The following OSBPL10 variants were observed in gnomAD, a reference collection of about 807,000 sequenced individuals.
The protein encoded by OSBPL10 is oxysterol binding protein like 10.
OSBPL10 carries 49 observed loss-of-function variants against 81.7 expected under a neutral mutation model. The observed-to-expected ratio is 0.60, with a 90% confidence interval of 0.48 to 0.76. The LOEUF (loss-of-function observed/expected upper bound fraction) is 0.76, where lower values mean the gene tolerates loss of function less well. OSBPL10 is among the 30% of genes least tolerant of loss of function. The pLI, the probability that OSBPL10 is intolerant of heterozygous loss-of-function variation, is 0.00. For missense variants in OSBPL10, 923 were observed against 987.8 expected, an observed-to-expected ratio of 0.93 and a Z score of 0.88; for synonymous variants, 419 against 383.6, an observed-to-expected ratio of 1.09 and a Z score of -1.08.
intron 2 of OSBPL10, among the ~76,000 whole-genome samples, chr3:32,008,626 T>G (rs1274087338): frequency 2.0e-5 from 3 of 151,142 alleles, no homozygotes; most frequent in Non-Finnish European, 4.4e-5. Flanking sequence ...GTCGCATGCC[T>G]GCAGTCCTGG....
At chr3:31,932,350 T>C (rs1235659636) in intron 1 of OSBPL10, among the ~76,000 whole-genome samples, 3 of 152,158 alleles carry the variant, frequency 2.0e-5, no homozygotes, top group African/African-American at 7.2e-5. Context: ...CTGCCTCAAA[T>C]TCAATGCCCT....
chr3:31,852,555 G>A (rs1471736088), intron 3 of OSBPL10, among the ~76,000 whole-genome samples: 2 of 147,580 alleles, frequency 1.4e-5, no homozygotes, highest in Admixed American at 6.8e-5. Context: ...TACTCCTGTG[G>A]CACGGAAGTT....
chr3:31,683,154 T>C (rs1162510758), intron 8 of OSBPL10, among the ~76,000 whole-genome samples: 1 of 152,254 alleles, frequency 6.6e-6, no homozygotes, highest in African/African-American at 2.4e-5. Context: ...GATTATACTA[T>C]GTTCTTGCTT....
intron 8 of OSBPL10, among the ~76,000 whole-genome samples, chr3:31,671,728 T>G (rs1700327662): frequency 6.6e-6 from 1 of 152,166 alleles, no homozygotes. Flanking sequence ...AAAGGCCTTA[T>G]TCCTCTCAAA....
At chr3:31,738,045 T>C (rs1055338802) in intron 5 of OSBPL10, among the ~76,000 whole-genome samples, 2 of 146,824 alleles carry the variant, frequency 1.4e-5, no homozygotes, top group African/African-American at 2.5e-5. Context: ...ACAACAGAGA[T>C]CCAAGAGATA....
At chr3:31,662,484 C>T (rs1410547122) in intron 11 of OSBPL10, 10 of 1,025,750 alleles carry the variant, frequency 9.7e-6, no homozygotes, top group Non-Finnish European at 1.2e-5. Context: ...GTGTGCATAC[C>T]AGTGACTTCC....
intron 2 of OSBPL10, among the ~76,000 whole-genome samples, chr3:32,011,193 G>A (rs1423116497): frequency 6.6e-6 from 1 of 152,234 alleles, no homozygotes; most frequent in Non-Finnish European, 1.5e-5. Context: ...GCACCCCCCA[G>A]TAGGGGCAGA....
At chr3:31,893,591 G>A (rs1695965345) in intron 1 of OSBPL10, among the ~76,000 whole-genome samples, 1 of 152,208 alleles carries the variant, frequency 6.6e-6, no homozygotes, top group South Asian at 2.1e-4. Context: ...GAATGTTAAA[G>A]CAGTATTATT....
At chr3:32,043,484 G>A (rs1237596468) in intron 2 of OSBPL10, among the ~76,000 whole-genome samples, 1 of 152,174 alleles carries the variant, frequency 6.6e-6, no homozygotes, top group African/African-American at 2.4e-5. Flanking sequence ...AGCTTACGAA[G>A]ATAACAGGAT....
chr3:31,693,336 T>C (rs544053140), intron 7 of OSBPL10, among the ~76,000 whole-genome samples: 1 of 152,334 alleles, frequency 6.6e-6, no homozygotes, highest in East Asian at 1.9e-4. Flanking sequence ...AATGAAATAA[T>C]TCAATCAAAG....
chr3:32,040,626 A>G (rs1177525267), intron 2 of OSBPL10, among the ~76,000 whole-genome samples: 1 of 151,874 alleles, frequency 6.6e-6, no homozygotes, highest in Non-Finnish European at 1.5e-5. Flanking sequence ...AGTTGAGGCC[A>G]GGAGTTTGAG....
intron 4 of OSBPL10, among the ~76,000 whole-genome samples, chr3:31,769,812 G>T (rs908332342): frequency 1.3e-5 from 2 of 152,004 alleles, no homozygotes; most frequent in Non-Finnish European, 2.9e-5. Context: ...CCCAGCAAAT[G>T]CTCACTTAAC....
At chr3:32,011,865 G>A (rs1055370194) in intron 2 of OSBPL10, among the ~76,000 whole-genome samples, 6 of 152,096 alleles carry the variant, frequency 3.9e-5, no homozygotes, top group African/African-American at 1.4e-4. Flanking sequence ...TCAAATGAAT[G>A]AAATGAAGCG....
At chr3:31,943,399 T>C (rs1697590660) in intron 1 of OSBPL10, among the ~76,000 whole-genome samples, 2 of 152,200 alleles carry the variant, frequency 1.3e-5, no homozygotes, top group African/African-American at 4.8e-5. Context: ...GGTCATATAA[T>C]ACACAGTATT....
At position 31,981,147 on chromosome 3, in the gene OSBPL10, G is replaced by A. The variant is rs1051372034; in HGVS notation, c.33C>T (p.Gly11=). The A allele has an allele frequency of 6.7e-7, 1 of 1,489,872 alleles. No homozygotes were observed. 92.3% of individuals were successfully genotyped at this position (1,489,872 alleles called of 1,614,324 possible). A position where few individuals can be genotyped will look rare whatever the true frequency, so the allele number is the denominator to read the frequency against. Residue 11 remains glycine (G), a synonymous_variant, in exon 1 of 12, where the codon GGC becomes GGT. Coordinates refer to ENST00000396556, the MANE Select transcript of OSBPL10 (RefSeq NM_017784.5). This position sits in a 1 kb window ranked among gnomAD's most constrained non-coding sequence, Gnocchi z 4.5. ...TGCGGCTGCTGCTGTTGCTACCCCCGCCGCCGTCTGTGCCCTGGACTGCCC... is the reference window on the plus strand; with the variant it reads ...TGCGGCTGCTGCTGTTGCTACCCCCACCGCCGTCTGTGCCCTGGACTGCCC... MERAVQGTDG[G]GGSNSSSRSS...
chr3:32,054,953 A>AG (rs1699696899), intron 1 of OSBPL10, among the ~76,000 whole-genome samples: 1 of 152,176 alleles, frequency 6.6e-6, no homozygotes, highest in African/African-American at 2.4e-5. Context: ...GGACATTGAC[A>AG]GGTGCTCTTG....
intron 4 of OSBPL10, among the ~76,000 whole-genome samples, chr3:31,792,858 CTCTGTGTG>C (rs1175251510): frequency 1.2e-3 from 101 of 86,038 alleles, no homozygotes; most frequent in Non-Finnish European, 1.8e-3. Context: ...TATCTAGGCA[CTCTGTGTG>C]TGTGTGTGTG....
intron 1 of OSBPL10, among the ~76,000 whole-genome samples, chr3:31,936,549 T>C (rs184162968): frequency 1.7e-4 from 26 of 152,346 alleles, no homozygotes; most frequent in South Asian, 1.2e-3. Context: ...ACTTCAATGG[T>C]GAAAAGAAAA....
intron 3 of OSBPL10, among the ~76,000 whole-genome samples, chr3:31,830,795 G>A (rs1700221618): frequency 6.6e-6 from 1 of 152,182 alleles, no homozygotes; most frequent in Non-Finnish European, 1.5e-5. Context: ...TTTATTAAGT[G>A]CTTAATAATG....
Sources: gnomAD v4.1 joint callset for allele counts (sites outside exome capture counted in the v4.1 genomes callset) on GRCh38, gnomAD v4.1.1 for gene constraint, Gnocchi (gnomAD v3.1) non-coding constraint, MANE v1.5 for transcripts, NCBI Gene and HGNC (gene_info 2026-07-23, HGNC 2026-07-21) for gene names.